Variants in DAB1 observed in about 807,000 individuals in gnomAD.
DAB1 encodes disabled homolog 1.
Under a neutral mutation model 64.6 loss-of-function variants are expected in DAB1, and 15 were observed. The observed-to-expected ratio is 0.23, with a 90% CI of 0.16 to 0.36. The LOEUF is 0.36. DAB1 is among the 10% of genes least tolerant of loss of function. DAB1 has a pLI of 1.00. For missense variants in DAB1, 596 were observed against 706.7 expected, an observed-to-expected ratio of 0.84 and a Z score of 1.78; for synonymous variants, 235 against 251.9, an observed-to-expected ratio of 0.93 and a Z score of 0.64.
chr1:58,536,680 T>C (rs199814412), intron 1 of DAB1: 20 of 872,730 alleles, frequency 2.3e-5, no homozygotes, highest in Non-Finnish European at 3.6e-5. Flanking sequence ...TTCTTCCTTA[T>C]ATTTTCTTTA....
intron 4 of DAB1, among the ~76,000 whole-genome samples, chr1:58,221,511 G>A (rs1237997174): frequency 6.6e-6 from 1 of 152,194 alleles, no homozygotes; most frequent in Non-Finnish European, 1.5e-5. Flanking sequence ...AGCCTCCGGG[G>A]CAGAAAACAT....
rs375330149 is a variant in DAB1, at chr1:58,432,199, C to T, written n.257+73861G>A. ...GCTGCTTTCTTGGCACCCTACAGCT[C>T]TTGGTGTGAATCTCTCTTTCTTAGG... On this transcript the variant is annotated intron_variant and non_coding_transcript_variant, in intron 3 of 20. Coordinates refer to the DAB1 transcript ENST00000485760. 9.2e-5 allele frequency among the ~76,000 whole-genome samples: 14 copies of T among 152,322 alleles called. No homozygotes were observed. The East Asian group carries it at 2.7e-3, about 29-fold the overall frequency.
At chr1:57,030,140 C>T (rs1570544028) in intron 9 of DAB1, among the ~76,000 whole-genome samples, 2 of 152,314 alleles carry the variant, frequency 1.3e-5, no homozygotes, top group African/African-American at 4.8e-5. Flanking sequence ...CATGTATTCT[C>T]ATGATAGTGA....
At chr1:57,286,403 T>C (rs754070404) in intron 2 of DAB1, among the ~76,000 whole-genome samples, 1 of 152,106 alleles carries the variant, frequency 6.6e-6, no homozygotes, top group Non-Finnish European at 1.5e-5. Context: ...GGTAATAATA[T>C]AGGAAACACA....
At chr1:57,637,365 C>G (rs961245228) in intron 7 of DAB1, among the ~76,000 whole-genome samples, 1 of 152,264 alleles carries the variant, frequency 6.6e-6, no homozygotes, top group South Asian at 2.1e-4. Context: ...CACAGGGAAT[C>G]GTGGAATCCC....
chr1:57,646,111 C>G (rs948556059), intron 7 of DAB1, among the ~76,000 whole-genome samples: 1 of 152,168 alleles, frequency 6.6e-6, no homozygotes, highest in African/African-American at 2.4e-5. Context: ...ATGGGAAAGG[C>G]ATACTATCTC....
At chr1:58,432,231 A>G (rs951690400) in intron 3 of DAB1, among the ~76,000 whole-genome samples, 9 of 152,064 alleles carry the variant, frequency 5.9e-5, no homozygotes, top group African/African-American at 1.9e-4. Flanking sequence ...TAGGGATGGG[A>G]GGAACCCTCC....
intron 7 of DAB1, among the ~76,000 whole-genome samples, chr1:57,518,601 G>T (rs939877180): frequency 6.6e-6 from 1 of 152,116 alleles, no homozygotes; most frequent in African/African-American, 2.4e-5. Flanking sequence ...AAGCCTCACA[G>T]CTTGTCCCCC....
chr1:57,516,340 T>C (rs997940539), intron 7 of DAB1, among the ~76,000 whole-genome samples: 6 of 150,082 alleles, frequency 4.0e-5, no homozygotes, highest in African/African-American at 7.6e-5. Flanking sequence ...CAGGAAATGA[T>C]AGCAAAGAAG....
chr1:57,100,556 G>A (rs1182694991), intron 4 of DAB1, among the ~76,000 whole-genome samples: 1 of 152,148 alleles, frequency 6.6e-6, no homozygotes, highest in Non-Finnish European at 1.5e-5. Context: ...ACTATAAACT[G>A]TAATGCAAAT....
chr1:57,852,906 G>A (rs1462098221), intron 1 of DAB1, among the ~76,000 whole-genome samples: 3 of 152,104 alleles, frequency 2.0e-5, no homozygotes, highest in Non-Finnish European at 4.4e-5. Flanking sequence ...ACCTAGAAAG[G>A]TGATTGACAC....
intron 7 of DAB1, among the ~76,000 whole-genome samples, chr1:57,452,166 C>CCCTTTT (rs367685387): frequency 5.3e-5 from 4 of 75,016 alleles, no homozygotes; most frequent in African/African-American, 1.8e-4. Flanking sequence ...TGCACCCCCC[C>CCCTTTT]TTTTTTTTTT....
At chr1:58,406,541 G>T (rs1644616790) in intron 3 of DAB1, among the ~76,000 whole-genome samples, 4 of 152,232 alleles carry the variant, frequency 2.6e-5, no homozygotes, top group Admixed American at 2.6e-4. Context: ...TGAGAGAGTT[G>T]TAAGAGGAGG....
At chr1:58,296,254 AAAG>A (rs1661989429) in intron 4 of DAB1, among the ~76,000 whole-genome samples, 1 of 144,254 alleles carries the variant, frequency 6.9e-6, no homozygotes, top group African/African-American at 2.6e-5. Flanking sequence ...AGAAAGAAAG[AAAG>A]AAAGAAAAGT....
At chr1:58,508,146 G>C (rs1036242801) in intron 2 of DAB1, among the ~76,000 whole-genome samples, 7 of 152,204 alleles carry the variant, frequency 4.6e-5, no homozygotes, top group African/African-American at 1.7e-4. Context: ...AGACTAGAAA[G>C]TATTCCAAGC....
chr1:57,152,762 A>G (rs1659814589), intron 2 of DAB1, among the ~76,000 whole-genome samples: 1 of 152,204 alleles, frequency 6.6e-6, no homozygotes, highest in Admixed American at 6.5e-5. Context: ...TTATAACTGT[A>G]TGATGTACAT....
intron 6 of DAB1, among the ~76,000 whole-genome samples, chr1:57,691,260 G>T (rs1017776078): frequency 2.0e-5 from 3 of 152,076 alleles, no homozygotes; most frequent in Admixed American, 2.0e-4. Context: ...TCTGTGTCTA[G>T]CTAAAGGATT....
chr1:57,568,997 G>A (rs1205366698), intron 7 of DAB1, among the ~76,000 whole-genome samples: 6 of 152,076 alleles, frequency 3.9e-5, no homozygotes, highest in Non-Finnish European at 5.9e-5. Context: ...GGTGGCTCAC[G>A]CCTGTAATCC....
chr1:57,384,704 A>C (rs1681662315), intron 1 of DAB1, among the ~76,000 whole-genome samples: 1 of 152,180 alleles, frequency 6.6e-6, no homozygotes, highest in Admixed American at 6.5e-5. Context: ...TAGAAAGTAG[A>C]ATGGTAGCTG....
Sources: gnomAD v4.1 joint callset for allele counts (sites outside exome capture counted in the v4.1 genomes callset) on GRCh38, gnomAD v4.1.1 for gene constraint, MANE v1.5 for transcripts, NCBI Gene and HGNC (gene_info 2026-07-23, HGNC 2026-07-21) for gene names.